NKD2: variants seen among roughly 807,000 people sequenced by gnomAD.
NKD2 encodes NKD inhibitor of Wnt signaling pathway 2.
NKD2 carries 43 observed loss-of-function variants against 34.8 expected under a neutral mutation model. The observed-to-expected ratio is 1.24, with a 90% CI of 0.97 to 1.60. NKD2 has a LOEUF of 1.60. Among genes scored for constraint, NKD2 ranks in the 40% most tolerant of loss-of-function variants. NKD2 has a pLI of 0.00. For synonymous variants in NKD2, 278 were observed against 265.1 expected (o/e 1.05, Z -0.47); for missense variants, 675 against 627.1 (o/e 1.08, Z -0.82).
rs1167248076 is a variant in NKD2 at position 1,036,383 on chromosome 5, T to C, written c.786T>C (p.Pro262=). 2 of 1,611,304 alleles carry C rather than the reference T, an allele frequency of 1.2e-6. No individual in the cohort carries two copies. Among genetic ancestry groups the C allele is most frequent in the Non-Finnish European group, 1.7e-6 (2 of 1,178,954 alleles). Reference sequence around the variant, plus strand: ...AGAACTACACGTCCAGATTCGGCCCTGGTAGGTCCTGGAGGCCACCCTGGG... The same window carrying C: ...AGAACTACACGTCCAGATTCGGCCCCGGTAGGTCCTGGAGGCCACCCTGGG... ...GIENYTSRFG[P]GSPPVQAKQE... Residue 262 remains proline, a splice_region_variant and synonymous_variant, in exon 9 of 10, where the codon CCT becomes CCC. Coordinates refer to ENST00000296849, the MANE Select transcript of NKD2 (RefSeq NM_033120.4).
intron 6 of NKD2, among the ~76,000 whole-genome samples, 193 bp downstream of exon 6, chr5:1,034,523 GC>G (rs1222843422): frequency 4.6e-5 from 7 of 152,212 alleles, no homozygotes; most frequent in African/African-American, 1.7e-4. Context: ...GCCCATTTCT[GC>G]GGCTGTGCTT....
chr5:1,031,193 G>C (rs958991793), intron 3 of NKD2, among the ~76,000 whole-genome samples: 1 of 152,154 alleles, frequency 6.6e-6, no homozygotes, highest in South Asian at 2.1e-4. Context: ...CCCATAGGAG[G>C]TCAGAAGAGA....
chr5:1,035,345 A>G (rs773138240), intron 7 of NKD2, 44 bp from the exon 8 acceptor site: 1 of 1,433,838 alleles, frequency 7.0e-7, no homozygotes, highest in Non-Finnish European at 9.6e-7. Flanking sequence ...TGAATGCTGA[A>G]TGAAGGAGGG....
In NKD2 at chr5:1,036,165, C is replaced by T. The variant is rs530374056; in HGVS notation, c.660-92C>T. On this transcript the variant is annotated intron_variant, in intron 8 of 9. Transcript: ENST00000296849. ...GGTGGGTGCTGGTCAGGATGCACCC[C>T]GGACCCCTGCCGCCTGCTGTAGGCA... 1.0e-4 allele frequency: 142 copies of T among 1,420,112 alleles called. No individual in the cohort carries two copies. In the Middle Eastern group the frequency reaches 2.4e-3, roughly 24 times the overall value. The allele number at this position is 1,420,112 out of a possible 1,614,324, so 88.0% of individuals were successfully genotyped here.
intron 3 of NKD2, among the ~76,000 whole-genome samples, chr5:1,030,473 T>C (rs150034707): frequency 6.6e-6 from 1 of 152,344 alleles, no homozygotes; most frequent in East Asian, 1.9e-4. Context: ...GGGCTGCAAC[T>C]CTGGGGCTCT....
At chr5:1,018,016 G>A (rs929325236) in intron 3 of NKD2, among the ~76,000 whole-genome samples, 14 of 152,034 alleles carry the variant, frequency 9.2e-5, no homozygotes, top group African/African-American at 2.7e-4. Flanking sequence ...TGGAGGAAGC[G>A]TGGCCCCCCA....
chr5:1,034,187 G>C, intron 5 of NKD2, 48 bp from the exon 6 acceptor site: 1 of 1,389,356 alleles, frequency 7.2e-7, no homozygotes, highest in Non-Finnish European at 1.0e-6. Context: ...AGTTGGGCGT[G>C]TTGGCGTGGG....
intron 4 of NKD2, 62 bp from the exon 5 acceptor site, chr5:1,033,310 A>C (rs10462579): frequency 6.7e-7 from 1 of 1,482,688 alleles, no homozygotes; most frequent in Non-Finnish European, 9.2e-7. Flanking sequence ...AGGGTCCCCA[A>C]TGGCGGGCCA....
rs773287517 is a variant in NKD2 at position 1,038,313 on chromosome 5, GCACCAC to G, written c.1306_1311del (p.His436_His437del). ...CGGTGCCAGTGATCCAGCGGCACGA[GCACCAC>G]CACCACCACGAGCACCACCACCACC... On this transcript the variant is annotated inframe_deletion, in exon 10 of 10. Coordinates refer to ENST00000296849, the MANE Select transcript of NKD2 (RefSeq NM_033120.4). This position sits in a 1 kb window ranked among gnomAD's most constrained non-coding sequence, Gnocchi z 4.5. The G allele has an allele frequency of 9.8e-6, 15 of 1,538,204 alleles. No homozygotes were observed. The East Asian group carries it at 1.2e-4, about 13-fold the overall frequency.
At chr5:1,027,029 G>T (rs1756443223) in intron 3 of NKD2, among the ~76,000 whole-genome samples, 1 of 152,262 alleles carries the variant, frequency 6.6e-6, no homozygotes, top group African/African-American at 2.4e-5. Context: ...TGGCCACAGG[G>T]GTGGTGACAA....
chr5:1,009,177 A>AGCC lies in NKD2; in HGVS notation c.34_36dup, dbSNP rs1354150053. Reference sequence around the variant, plus strand: ...CTCTCCCCGCGTCCCGCCGTGCCGCAGCCGCCGCCGCCCGCAAGCGGAGAG... The same window carrying AGCC: ...CTCTCCCCGCGTCCCGCCGTGCCGCAGCCGCCGCCGCCGCCCGCAAGCGGAGAG... On this transcript the variant is annotated splice_acceptor_variant, in intron 1 of 9. Coordinates refer to ENST00000296849, the MANE Select transcript of NKD2 (RefSeq NM_033120.4). LOFTEE classifies it high-confidence loss of function. The surrounding 1 kb of genome is among the most constrained non-coding windows in gnomAD (Gnocchi z 6.9). The AGCC allele has an allele frequency of 1.8e-5, 10 of 549,854 alleles. No homozygotes were observed. The highest frequency in any genetic ancestry group is 4.0e-5 in the African/African-American group (2 of 50,076). 34.1% of individuals were successfully genotyped at this position (549,854 alleles called of 1,614,324 possible). A position where few individuals can be genotyped will look rare whatever the true frequency, so the allele number is the denominator to read the frequency against.
At position 1,035,167 on chromosome 5, in the gene NKD2, AGT is replaced by A. The variant is rs201536037; in HGVS notation, c.575-219_575-218del. On this transcript the variant is annotated intron_variant, in intron 7 of 9. Transcript: ENST00000296849. ...GAATGAATGAGTTAATGAATGAGTG[AGT>A]GTTAATGAATGAGTGAGTTAATGAG... 2.3e-4 allele frequency among the ~76,000 whole-genome samples: 35 copies of A among 150,988 alleles called. No homozygotes were observed. The East Asian group carries it at 4.3e-3, about 18-fold the overall frequency.
intron 4 of NKD2, among the ~76,000 whole-genome samples, chr5:1,032,824 T>C (rs1222689924): frequency 1.3e-5 from 2 of 152,150 alleles, no homozygotes; most frequent in Admixed American, 1.3e-4. Flanking sequence ...GCCCGGACAG[T>C]CCCACACTCC....
In NKD2 at chr5:1,037,979, C is replaced by T. The variant is rs561838380; in HGVS notation, c.962C>T (p.Pro321Leu). 4 of 1,605,664 alleles carry T rather than the reference C, an allele frequency of 2.5e-6. No homozygotes were observed. In the East Asian group the frequency reaches 6.7e-5, roughly 27 times the overall value. Residue 321 changes from proline to leucine, a missense_variant, in exon 10 of 10, where the codon CCC becomes CTC. Pro to Leu is a moderately conservative substitution (Grantham distance 98, BLOSUM62 -3). Coordinates refer to ENST00000296849, the MANE Select transcript of NKD2 (RefSeq NM_033120.4). ...EPAARALDTQ[P>L]RPKGPEKQFL... ...GCTGCCCGGGCCCTGGACACGCAGC[C>T]CCGGCCGAAGGGGCCGGAGAAGCAG... is the stretch of plus-strand genomic sequence containing the variant.
intron 8 of NKD2, chr5:1,035,768 C>G (rs1725728688): frequency 4.2e-6 from 2 of 470,782 alleles, no homozygotes; most frequent in South Asian, 3.5e-5. Flanking sequence ...TGTGGCTCCA[C>G]TCAGCAGCTT....
At chr5:1,035,276 C>CAGTG (rs969900925) in intron 7 of NKD2, 113 bp from the exon 8 acceptor site, 1 of 747,006 alleles carries the variant, frequency 1.3e-6, no homozygotes, top group African/African-American at 1.9e-5. Context: ...ATGAGTGAAC[C>CAGTG]AGTGAGTTAA....
At chr5:1,012,797 C>T (rs1755804829) in intron 3 of NKD2, among the ~76,000 whole-genome samples, 1 of 152,214 alleles carries the variant, frequency 6.6e-6, no homozygotes, top group Admixed American at 6.5e-5. Flanking sequence ...CCTGCCCCTC[C>T]TGGCCACCCA....
chr5:1,027,802 G>A lies in NKD2; in HGVS notation c.142-4350G>A, dbSNP rs1377452844. On this transcript the variant is annotated intron_variant, in intron 3 of 9. Transcript: ENST00000296849. ...TGCATTTGCGAGACCTGGGAAAGGT[G>A]CCTGGCCGTGCCCACCTGTCCACTG... Among the ~76,000 whole-genome samples, 4 of 152,352 alleles carry A rather than the reference G, an allele frequency of 2.6e-5. No individual in the cohort carries two copies. The South Asian group carries it at 6.2e-4, about 24-fold the overall frequency.
At chr5:1,016,334 T>C (rs1301352175) in intron 3 of NKD2, among the ~76,000 whole-genome samples, 1 of 152,274 alleles carries the variant, frequency 6.6e-6, no homozygotes, top group Non-Finnish European at 1.5e-5. Flanking sequence ...TTTGGCAGCC[T>C]TTCACGCTGG....
Sources: allele counts gnomAD v4.1 joint callset (sites outside exome capture counted in the v4.1 genomes callset), GRCh38; gene constraint gnomAD v4.1.1; non-coding constraint Gnocchi (gnomAD v3.1); transcripts MANE v1.5; gene names NCBI Gene and HGNC (gene_info 2026-07-23, HGNC 2026-07-21).